Variants in ALOX12 observed in about 807,000 individuals in gnomAD.
The protein encoded by ALOX12 is arachidonate 12-lipoxygenase, 12S type.
Under a neutral mutation model 85.5 loss-of-function variants are expected in ALOX12, and 62 were observed. The ratio of observed to expected loss-of-function variants is 0.73; its 90% CI spans 0.59 to 0.90. The LOEUF (loss-of-function observed/expected upper bound fraction) is 0.90, where lower values mean the gene tolerates loss of function less well. ALOX12 is among the 40% of genes least tolerant of loss of function. The pLI is 0.00. For missense variants in ALOX12, 751 were observed against 856.5 expected (o/e 0.88, Z 1.54); for synonymous variants, 299 against 332.7 (o/e 0.90, Z 1.10).
At position 6,996,263 on chromosome 17, in the gene ALOX12, G is replaced by A. The variant is rs1247314008; in HGVS notation, c.135+11G>A. The stretch of plus-strand genomic sequence containing the variant: ...CCCGCGCGGGGCGAGGTCAGCGCGG[G>A]GAGCGAGGGGAGCTAGGGCAGCGGG... On this transcript the variant is annotated intron_variant, in intron 1 of 13. Coordinates refer to ENST00000251535, the MANE Select transcript of ALOX12 (RefSeq NM_000697.3). The A allele has an allele frequency of 8.1e-7, 1 of 1,232,358 alleles. No homozygotes were observed. The highest frequency in any genetic ancestry group is 1.6e-5 in the African/African-American group (1 of 64,144). The allele number at this position is 1,232,358 out of a possible 1,614,324, so 76.3% of individuals were successfully genotyped here.
chr17:6,998,025 C>G (rs556175227), intron 2 of ALOX12, among the ~76,000 whole-genome samples: 1 of 151,332 alleles, frequency 6.6e-6, no homozygotes, highest in East Asian at 1.9e-4. Flanking sequence ...GATAGTAAAT[C>G]CAGAAAGATG....
At chr17:7,005,171 A>C in intron 8 of ALOX12, 86 bp from the exon 9 acceptor site, 1 of 1,147,262 alleles carries the variant, frequency 8.7e-7, no homozygotes, top group Middle Eastern at 2.4e-4. Context: ...CAAGAGGAGA[A>C]GGCGCCATGC....
rs11571361 is a variant in ALOX12, at chr17:7,002,465, G to A, written c.1161+654G>A. The A allele has an allele frequency of 2.4e-3, 1,116 of 468,876 alleles. 3 individuals carry two copies. Among genetic ancestry groups the A allele is most frequent in the Non-Finnish European group, 3.8e-3 (858 of 226,922 alleles). 29.0% of individuals were successfully genotyped at this position (468,876 alleles called of 1,614,324 possible). A position where few individuals can be genotyped will look rare whatever the true frequency, so the allele number is the denominator to read the frequency against. On this transcript the variant is annotated intron_variant, in intron 8 of 13. Coordinates refer to ENST00000251535, the MANE Select transcript of ALOX12 (RefSeq NM_000697.3). Reference sequence around the variant, plus strand: ...TCTGCCACACCTGTAAGTCCCTGGGGCAGGTGTGTTATACTGACCTAGAAA... The same window carrying A: ...TCTGCCACACCTGTAAGTCCCTGGGACAGGTGTGTTATACTGACCTAGAAA...
rs143190568 is a variant in ALOX12, at chr17:7,001,658, C to T, written c.1008C>T (p.Pro336=). The T allele has an allele frequency of 6.2e-7, 1 of 1,614,106 alleles. No homozygotes were observed. The highest frequency in any genetic ancestry group is 8.5e-7 in the Non-Finnish European group (1 of 1,180,048). ...CAACACTGTTCCTGCCCTCAGACCCCCCACTTGCCTGGCTCCTGGCAAAGT... is the reference window on the plus strand; with the variant it reads ...CAACACTGTTCCTGCCCTCAGACCCTCCACTTGCCTGGCTCCTGGCAAAGT... ...PTPTLFLPSD[P]PLAWLLAKSW... is the part of the protein sequence containing the mutation. Residue 336 remains proline (P), a synonymous_variant, in exon 8 of 14, where the codon CCC becomes CCT. Transcript: ENST00000251535.
chr17:7,009,911 A>G (rs1221386305), intron 12 of ALOX12, 45 bp from the exon 13 acceptor site: 1 of 1,614,020 alleles, frequency 6.2e-7, no homozygotes, highest in Non-Finnish European at 8.5e-7. Flanking sequence ...ATGGGAGTTC[A>G]AACCCTAAGT....
At chr17:7,004,599 G>A (rs1908945848) in intron 8 of ALOX12, among the ~76,000 whole-genome samples, 1 of 151,592 alleles carries the variant, frequency 6.6e-6, no homozygotes, top group South Asian at 2.1e-4. Flanking sequence ...AGGAAAAGCA[G>A]GAGAAGAGGG....
chr17:6,999,435 A>T lies in ALOX12; in HGVS notation c.776A>T (p.Glu259Val), dbSNP rs759297658. The change falls in exon 6 of 14, where the codon GAG becomes GTG. Residue 259 changes from glutamate to valine, a missense_variant. Coordinates refer to ENST00000251535, the MANE Select transcript of ALOX12 (RefSeq NM_000697.3). The stretch of plus-strand genomic sequence containing the variant: ...CTAGTGCTGCCCTCGGGGATGGAAG[A>T]GCTTCAGGCTCAACTGGAGAAAGAA... ...SRLVLPSGMEELQAQLEKELQ... is the reference protein window; with the variant it reads ...SRLVLPSGMEVLQAQLEKELQ... 1 of 1,614,126 alleles carries T rather than the reference A, an allele frequency of 6.2e-7. No individual in the cohort carries two copies. The highest frequency in any genetic ancestry group is 1.1e-5 in the South Asian group (1 of 91,078).
Position 6,998,575 on chromosome 17 carries a change from G to A in ALOX12, c.404G>A (p.Arg135Lys), listed in dbSNP as rs750502947. 6.2e-7 allele frequency: 1 copy of A among 1,613,786 alleles called. No individual in the cohort carries two copies. Among genetic ancestry groups the A allele is most frequent in the East Asian group, 2.2e-5 (1 of 44,880 alleles). Residue 135 changes from arginine (R) to lysine (K), a missense_variant, in exon 3 of 14, where the codon AGA becomes AAA. Transcript: ENST00000251535. Reference sequence around the variant, plus strand: ...CATCGAGAGAAGGAACTGAAAGACAGACAGCAGATCTACTGGTGACCACCC... The same window carrying A: ...CATCGAGAGAAGGAACTGAAAGACAAACAGCAGATCTACTGGTGACCACCC... The part of the protein sequence containing the change: ...QKHREKELKD[R>K]QQIYCWATWK...
chr17:7,002,550 G>T (rs928393640), intron 8 of ALOX12: 10 of 468,146 alleles, frequency 2.1e-5, no homozygotes, highest in Non-Finnish European at 3.5e-5. Context: ...TGCTTTGGGT[G>T]GCCAAAGCAG....
At chr17:7,002,567 T>C (rs775064025) in intron 8 of ALOX12, 1 of 467,380 alleles carries the variant, frequency 2.1e-6, no homozygotes, top group Non-Finnish European at 4.4e-6. Context: ...GCAGTATGAT[T>C]GCTTAAGACC....
At chr17:6,996,348 G>A in intron 1 of ALOX12, 96 bp downstream of exon 1, 2 of 1,197,654 alleles carry the variant, frequency 1.7e-6, no homozygotes, top group Non-Finnish European at 1.0e-6. Flanking sequence ...GAGGCTGGGG[G>A]CGAGGTGACA....
Position 6,997,027 on chromosome 17 carries a change from G to T in ALOX12, c.337G>T (p.Ala113Ser), listed in dbSNP as rs1321896069. Residue 113 changes from alanine (A) to serine (S), a missense_variant and splice_region_variant, in exon 2 of 14, where the codon GCC becomes TCC. By Grantham distance (99) the Ala-to-Ser change is moderately conservative. Transcript: ENST00000251535. ...EDILSLPEGT[A>S]RLPGDNALDM... ...CATCCTGAGCCTGCCCGAGGGCACC[G>T]GTGAGCAGGCGGCGTCGGGGAAGGA... 1 of 1,536,574 alleles carries T rather than the reference G, an allele frequency of 6.5e-7. No individual in the cohort carries two copies. Among genetic ancestry groups the T allele is most frequent in the African/African-American group, 1.4e-5 (1 of 73,118 alleles).
In ALOX12 at chr17:7,006,001, T is replaced by C. The variant is rs769687867; in HGVS notation, c.1392T>C (p.Ala464=). 1 of 1,548,796 alleles carries C rather than the reference T, an allele frequency of 6.5e-7. No homozygotes were observed. Among genetic ancestry groups the C allele is most frequent in the Non-Finnish European group, 8.7e-7 (1 of 1,148,052 alleles). The change falls in exon 10 of 14, where the codon GCT becomes GCC. Residue 464 remains alanine, a synonymous_variant. Transcript: ENST00000251535. ...CAGGTGCTCTCTATGCCCATGATGCTTTACGGCTCTGGGAGATCATTGCCA... is the reference window on the plus strand; with the variant it reads ...CAGGTGCTCTCTATGCCCATGATGCCTTACGGCTCTGGGAGATCATTGCCA... ...GLPGALYAHD[A]LRLWEIIARY... is the part of the protein sequence containing the mutation.
In ALOX12 at chr17:7,005,303, C is replaced by T. The variant is rs750040565; in HGVS notation, c.1208C>T (p.Ala403Val). The change falls in exon 9 of 14, where the codon GCC (alanine) becomes GTC (valine). Residue 403 changes from alanine to valine, a missense_variant. Transcript: ENST00000251535. ...IRYTMEINTRARTQLISDGGI... is the reference protein window; with the variant it reads ...IRYTMEINTRVRTQLISDGGI... ...TACACCATGGAAATCAACACCCGGG[C>T]CCGGACCCAACTCATCTCAGATGGA... 1.2e-6 allele frequency: 2 copies of T among 1,613,886 alleles called. No individual in the cohort carries two copies. The highest frequency in any genetic ancestry group is 1.7e-6 in the Non-Finnish European group (2 of 1,179,832).
intron 1 of ALOX12, among the ~76,000 whole-genome samples, chr17:6,996,561 A>G (rs1283099333): frequency 6.8e-6 from 1 of 146,868 alleles, no homozygotes; most frequent in East Asian, 2.1e-4. Context: ...AGCTCCTCCA[A>G]GAACCGGCGC....
At position 7,010,594 on chromosome 17, in the gene ALOX12, C is replaced by T; in HGVS notation, c.*171C>T. Reference sequence around the variant, plus strand: ...CCAGGGGAGCAGTAAACTTTCTCTGCAAAGACTAGATCCTTTTTTACGCTT... The same window carrying T: ...CCAGGGGAGCAGTAAACTTTCTCTGTAAAGACTAGATCCTTTTTTACGCTT... On this transcript the variant is annotated 3_prime_UTR_variant, in exon 14 of 14. Transcript: ENST00000251535. 1.3e-6 allele frequency: 1 copy of T among 770,640 alleles called. No individual in the cohort carries two copies. 47.7% of individuals were successfully genotyped at this position (770,640 alleles called of 1,614,324 possible).
intron 11 of ALOX12, among the ~76,000 whole-genome samples, chr17:7,008,387 C>T (rs1170760385): frequency 6.6e-6 from 1 of 152,170 alleles, no homozygotes; most frequent in Non-Finnish European, 1.5e-5. Flanking sequence ...TGCCTTTTCC[C>T]AACTATGCAG....
intron 11 of ALOX12, 128 bp downstream of exon 11, chr17:7,006,735 A>G: frequency 7.8e-7 from 1 of 1,284,212 alleles, no homozygotes; most frequent in Non-Finnish European, 1.0e-6. Context: ...CACACGGGAA[A>G]GCATGTGTAT....
intron 8 of ALOX12, 52 bp from the exon 9 acceptor site, chr17:7,005,205 G>A: frequency 6.6e-7 from 1 of 1,519,634 alleles, no homozygotes; most frequent in Non-Finnish European, 9.1e-7. Flanking sequence ...CTACCAGGAA[G>A]GACCCAAGCA....
Sources: allele counts gnomAD v4.1 joint callset (sites outside exome capture counted in the v4.1 genomes callset), GRCh38; gene constraint gnomAD v4.1.1; transcripts MANE v1.5; gene names NCBI Gene and HGNC (gene_info 2026-07-23, HGNC 2026-07-21).